ASPM: variants seen among roughly 807,000 people sequenced by gnomAD.
The protein encoded by ASPM is abnormal spindle-like microcephaly-associated protein.
In ASPM, 256 loss-of-function variants were observed where a neutral mutation model predicts 366.4. That is an observed-to-expected ratio of 0.70 (90% confidence interval 0.63 to 0.77). The LOEUF (loss-of-function observed/expected upper bound fraction) is 0.77, where lower values mean the gene tolerates loss of function less well. Among genes scored for constraint, ASPM ranks in the 30% least tolerant of loss-of-function variants. The pLI, the probability that ASPM is intolerant of heterozygous loss-of-function variation, is 0.00. For missense variants in ASPM, 4,146 were observed against 4,090.4 expected, an observed-to-expected ratio of 1.01 and a Z score of -0.37; for synonymous variants, 1,414 against 1,342.9, an observed-to-expected ratio of 1.05 and a Z score of -1.16.
chr1:197,133,496 G>A lies in ASPM; in HGVS notation c.2273C>T (p.Ala758Val). 6.2e-7 allele frequency: 1 copy of A among 1,614,036 alleles called. No individual in the cohort carries two copies. The highest frequency in any genetic ancestry group is 1.1e-5 in the South Asian group (1 of 91,072). Residue 758 changes from alanine (A) to valine (V), a missense_variant, in exon 6 of 28, where the codon GCT becomes GTT. Around this residue, in one of 3 missense-constraint regions of ASPM, gnomAD observed 3,624 missense variants for 3,591.7 expected, o/e 1.01. Coordinates refer to ENST00000367409, the MANE Select transcript of ASPM (RefSeq NM_018136.5). ...KEEMSLRAYTARCRLNRLRRA... is the reference protein window; with the variant it reads ...KEEMSLRAYTVRCRLNRLRRA... Reference sequence around the variant, plus strand: ...ACGTAGTCTGTTTAACCTACACCGAGCAGTATAAGCTCTGAGAGACATTTC... The same window carrying A: ...ACGTAGTCTGTTTAACCTACACCGAACAGTATAAGCTCTGAGAGACATTTC...
rs1657373204 is a variant in ASPM at position 197,105,193 on chromosome 1, A to C, written c.4066-8T>G. On this transcript the variant is annotated splice_polypyrimidine_tract_variant and splice_region_variant and intron_variant, in intron 17 of 27. Transcript: ENST00000367409. The stretch of plus-strand genomic sequence containing the variant: ...ATATCTTCTCCAATATCCCTGGAAA[A>C]GGTAAGAAAGGACACAAAGTAAAAT... 2 of 1,590,904 alleles carry C rather than the reference A, an allele frequency of 1.3e-6. No individual in the cohort carries two copies. Among genetic ancestry groups the C allele is most frequent in the South Asian group, 1.1e-5 (1 of 90,420 alleles).
intron 4 of ASPM, among the ~76,000 whole-genome samples, chr1:197,135,796 C>T (rs774680217): frequency 6.6e-5 from 10 of 151,938 alleles, no homozygotes; most frequent in African/African-American, 2.2e-4. Flanking sequence ...ACCAAAAACA[C>T]AAATAAACTA....
At chr1:197,091,090 T>TA (rs752451578) in intron 22 of ASPM, 49 bp from the exon 23 acceptor site, 5 of 1,365,398 alleles carry the variant, frequency 3.7e-6, no homozygotes, top group South Asian at 1.2e-5. Context: ...CAGGTTTTTT[T>TA]AAAAAAATAT....
At chr1:197,134,049 T>C (rs1658345348) in intron 5 of ASPM, among the ~76,000 whole-genome samples, 1 of 152,050 alleles carries the variant, frequency 6.6e-6, no homozygotes, top group Non-Finnish European at 1.5e-5. Flanking sequence ...TTCTTTTTTT[T>C]TAAGTGATCT....
chr1:197,088,702 C>G (rs1656677440), intron 25 of ASPM, among the ~76,000 whole-genome samples: 1 of 151,828 alleles, frequency 6.6e-6, no homozygotes, highest in African/African-American at 2.4e-5. Context: ...CCTCTGAAAA[C>G]AAACATCTTG....
Position 197,102,655 on chromosome 1 carries a change from T to C in ASPM, c.6596A>G (p.Asn2199Ser). 6.2e-7 allele frequency: 1 copy of C among 1,612,830 alleles called. No individual in the cohort carries two copies. Among genetic ancestry groups the C allele is most frequent in the Non-Finnish European group, 8.5e-7 (1 of 1,179,306 alleles). ...MQTAATLIQSNYRRYRQQTYF... is the reference protein window; with the variant it reads ...MQTAATLIQSSYRRYRQQTYF... ...TGTTTGCTGTCTGTATCTTCTGTAG[T>C]TTGACTGAATGAGTGTTGCTGCAGT... The change falls in exon 18 of 28, where the codon AAC becomes AGC. Residue 2199 changes from asparagine (N) to serine (S), a missense_variant. Physicochemically the swap from Asn to Ser is conservative, Grantham distance 46. Transcript: ENST00000367409.
chr1:197,141,329 A>G (rs1226119518), intron 3 of ASPM, among the ~76,000 whole-genome samples: 1 of 152,188 alleles, frequency 6.6e-6, no homozygotes, highest in Non-Finnish European at 1.5e-5. Flanking sequence ...CCACAAGTGC[A>G]GCAGAGTTGA....
At position 197,103,657 on chromosome 1, in the gene ASPM, T is replaced by C. The variant is rs1425982974; in HGVS notation, c.5594A>G (p.His1865Arg). ...QRWYRAYKTLHDTRTHFLKTK... is the reference protein window; with the variant it reads ...QRWYRAYKTLRDTRTHFLKTK... ...CTTCAAAAAATGTGTTCTTGTATCA[T>C]GAAGAGTCTTGTACGCCCTGTACCA... Residue 1865 changes from histidine to arginine, a missense_variant, in exon 18 of 28, where the codon CAT (histidine) becomes CGT (arginine). By Grantham distance (29) the His-to-Arg change is conservative (BLOSUM62 0). Coordinates refer to ENST00000367409, the MANE Select transcript of ASPM (RefSeq NM_018136.5). The C allele has an allele frequency of 1.2e-6, 2 of 1,612,956 alleles. No individual in the cohort carries two copies. Among genetic ancestry groups the C allele is most frequent in the Non-Finnish European group, 1.7e-6 (2 of 1,179,398 alleles).
Position 197,090,389 on chromosome 1 carries a change from C to A in ASPM, c.9637-1G>T, listed in dbSNP as rs1656741322. 6.3e-7 allele frequency: 1 copy of A among 1,599,486 alleles called. No homozygotes were observed. The highest frequency in any genetic ancestry group is 1.7e-5 in the Admixed American group (1 of 59,688). On this transcript the variant is annotated splice_acceptor_variant, in intron 23 of 27. Transcript: ENST00000367409. LOFTEE classifies it high-confidence loss of function. ...TCCAAGAATAGCCTCTCCATAATGC[C>A]TTAAAGAGATAAAACAGAGTAATTT...
At chr1:197,097,412 C>T (rs1238466512) in intron 18 of ASPM, among the ~76,000 whole-genome samples, 1 of 151,634 alleles carries the variant, frequency 6.6e-6, no homozygotes, top group Non-Finnish European at 1.5e-5. Context: ...GATGTTAATC[C>T]GACTGGGTCG....
At chr1:197,106,948 C>A (rs1657430215) in intron 17 of ASPM, among the ~76,000 whole-genome samples, 1 of 152,084 alleles carries the variant, frequency 6.6e-6, no homozygotes, top group African/African-American at 2.4e-5. Flanking sequence ...CAGCCCAATT[C>A]TTCATCTCTC....
At chr1:197,121,291 T>C (rs1187230863) in intron 16 of ASPM, among the ~76,000 whole-genome samples, 2 of 152,164 alleles carry the variant, frequency 1.3e-5, no homozygotes, top group Non-Finnish European at 2.9e-5. Flanking sequence ...AAAAATTTTT[T>C]ACATTAATGA....
chr1:197,129,196 G>C lies in ASPM; in HGVS notation c.2751C>G (p.Ala917=). Residue 917 remains alanine, a synonymous_variant, in exon 9 of 28, where the codon GCC becomes GCG. Coordinates refer to ENST00000367409, the MANE Select transcript of ASPM (RefSeq NM_018136.5). ...ACAATGAAAAGCATACCTTGAATTCGGCATCTTTACAGAAGAGACAAGGAT... is the reference window on the plus strand; with the variant it reads ...ACAATGAAAAGCATACCTTGAATTCCGCATCTTTACAGAAGAGACAAGGAT... The part of the protein sequence containing the change: ...DHDPCLFCKD[A]EFKASKEILL... 1 of 1,611,876 alleles carries C rather than the reference G, an allele frequency of 6.2e-7. No individual in the cohort carries two copies. The highest frequency in any genetic ancestry group is 8.5e-7 in the Non-Finnish European group (1 of 1,178,568).
At chr1:197,088,490 C>A in intron 25 of ASPM, 58 bp from the exon 26 acceptor site, 1 of 1,496,240 alleles carries the variant, frequency 6.7e-7, no homozygotes, top group South Asian at 1.2e-5. Context: ...TTACAAACAA[C>A]CCAACCAAAA....
At chr1:197,139,141 G>T (rs1658505580) in intron 4 of ASPM, 2 of 882,862 alleles carry the variant, frequency 2.3e-6, no homozygotes, top group Non-Finnish European at 3.8e-6. Flanking sequence ...TTTTCTTTTA[G>T]ATTTTCCACA....
chr1:197,121,256 T>A (rs1657898588), intron 16 of ASPM, among the ~76,000 whole-genome samples: 1 of 152,102 alleles, frequency 6.6e-6, no homozygotes, highest in South Asian at 2.1e-4. Flanking sequence ...TTATTAAAAA[T>A]AACAATTTTC....
intron 19 of ASPM, among the ~76,000 whole-genome samples, 192 bp from the exon 20 acceptor site, chr1:197,094,372 A>T (rs1311284501): frequency 6.6e-6 from 1 of 151,842 alleles, no homozygotes; most frequent in African/African-American, 2.4e-5. Flanking sequence ...ACACGAAAGA[A>T]GTTTTACAAT....
intron 7 of ASPM, among the ~76,000 whole-genome samples, chr1:197,131,739 T>C (rs1409715008): frequency 6.6e-6 from 1 of 151,884 alleles, no homozygotes; most frequent in Admixed American, 6.6e-5. Context: ...TTTTGTATTT[T>C]TAGTAGAGAT....
At position 197,096,179 on chromosome 1, in the gene ASPM, A is replaced by C. The variant is rs1656969123; in HGVS notation, c.8821-15T>G. On this transcript the variant is annotated splice_polypyrimidine_tract_variant and intron_variant, in intron 18 of 27. Transcript: ENST00000367409. ...CTCCACATAGCCTATTAAATACATA[A>C]ATATAACAAGTATGCAATGAGTTGT... 6.4e-7 allele frequency: 1 copy of C among 1,570,506 alleles called. No individual in the cohort carries two copies. The highest frequency in any genetic ancestry group is 8.7e-7 in the Non-Finnish European group (1 of 1,144,330).
Sources: gnomAD v4.1 joint callset for allele counts (sites outside exome capture counted in the v4.1 genomes callset) on GRCh38, gnomAD v4.1.1 for gene constraint, gnomAD v4.1.1 regional missense constraint, MANE v1.5 for transcripts, NCBI Gene and HGNC (gene_info 2026-07-23, HGNC 2026-07-21) for gene names.